Variants in LRIG2 observed in about 807,000 individuals in gnomAD.
LRIG2 encodes the protein leucine-rich repeats and immunoglobulin-like domains protein 2.
LRIG2 carries 93 observed loss-of-function variants against 107.8 expected under a neutral mutation model. That is an observed-to-expected ratio of 0.86 (90% confidence interval 0.73 to 1.03). LRIG2 has a LOEUF of 1.03. LRIG2 is among the 50% of genes least tolerant of loss of function. The probability of loss-of-function intolerance (pLI) is 0.00; values close to 1 mark genes in which losing one functional copy is unlikely to be tolerated. For missense variants in LRIG2, 1,226 were observed against 1,296.0 expected (o/e 0.95, Z 0.83); for synonymous variants, 471 against 470.6 (o/e 1.00, Z -0.01).
intron 1 of LRIG2, among the ~76,000 whole-genome samples, chr1:113,077,638 G>A (rs1420272836): frequency 6.6e-6 from 1 of 152,074 alleles, no homozygotes; most frequent in Non-Finnish European, 1.5e-5. Context: ...GAGGACATAA[G>A]CTTATGTTGA....
chr1:113,075,849 C>G (rs1398608839), intron 1 of LRIG2, among the ~76,000 whole-genome samples: 3 of 151,020 alleles, frequency 2.0e-5, no homozygotes, highest in Admixed American at 6.6e-5. Context: ...GCGTGCGCTA[C>G]CATGCCTGGC....
At chr1:113,091,946 AAGG>A (rs2101032544) in intron 2 of LRIG2, among the ~76,000 whole-genome samples, 1 of 152,324 alleles carries the variant, frequency 6.6e-6, no homozygotes, top group Admixed American at 6.5e-5. Context: ...CACAACCGTT[AAGG>A]TATATAGGCC....
intron 16 of LRIG2, among the ~76,000 whole-genome samples, chr1:113,118,925 A>G (rs1282755613): frequency 6.6e-6 from 1 of 152,086 alleles, no homozygotes; most frequent in Non-Finnish European, 1.5e-5. Context: ...CGGCCTCCCA[A>G]AGTGCTGGGA....
At chr1:113,085,163 A>T (rs1653491770) in intron 1 of LRIG2, among the ~76,000 whole-genome samples, 1 of 152,234 alleles carries the variant, frequency 6.6e-6, no homozygotes, top group Non-Finnish European at 1.5e-5. Context: ...GTAACAAATA[A>T]CTGGCAGAAT....
Position 113,096,326 on chromosome 1 carries a change from C to G in LRIG2, c.1052C>G (p.Ala351Gly), listed in dbSNP as rs1456278599. ...GGAGACAACAGAGTCACTCATATTGCTGATGGTGTATTTAGATTTCTTTCC... is the reference window on the plus strand; with the variant it reads ...GGAGACAACAGAGTCACTCATATTGGTGATGGTGTATTTAGATTTCTTTCC... Reference protein sequence around the residue: ...NLGDNRVTHIADGVFRFLSNL... With the variant: ...NLGDNRVTHIGDGVFRFLSNL... Residue 351 changes from alanine (A) to glycine (G), a missense_variant, in exon 8 of 18, where the codon GCT (alanine) becomes GGT (glycine). By Grantham distance (60) the Ala-to-Gly change is moderately conservative. Transcript: ENST00000361127. 1 of 1,614,070 alleles carries G rather than the reference C, an allele frequency of 6.2e-7. No homozygotes were observed. Among genetic ancestry groups the G allele is most frequent in the East Asian group, 2.2e-5 (1 of 44,880 alleles).
chr1:113,101,793 A>T (rs962568032), intron 11 of LRIG2, among the ~76,000 whole-genome samples: 2 of 152,230 alleles, frequency 1.3e-5, no homozygotes, highest in Non-Finnish European at 2.9e-5. Flanking sequence ...GGGTTATGTG[A>T]AGATAAAGTG....
intron 1 of LRIG2, among the ~76,000 whole-genome samples, chr1:113,078,814 A>G (rs1020629144): frequency 2.0e-5 from 3 of 151,294 alleles, no homozygotes; most frequent in African/African-American, 7.3e-5. Flanking sequence ...CTAATTTTGT[A>G]TTTTTAGTAG....
intron 10 of LRIG2, 25 bp from the exon 11 acceptor site, chr1:113,100,392 GATA>G (rs768901585): frequency 3.5e-6 from 5 of 1,445,530 alleles, no homozygotes; most frequent in Non-Finnish European, 3.9e-6. Context: ...AATGGTGACT[GATA>G]ATGTTTCATT....
At chr1:113,112,416 T>G in intron 13 of LRIG2, 63 bp from the exon 14 acceptor site, 1 of 1,447,072 alleles carries the variant, frequency 6.9e-7, no homozygotes, top group Non-Finnish European at 9.4e-7. Flanking sequence ...CATGCCTATT[T>G]GTATGCATAT....
At position 113,093,431 on chromosome 1, in the gene LRIG2, G is replaced by A; in HGVS notation, c.382G>A (p.Val128Ile). 10 of 1,613,870 alleles carry A rather than the reference G, an allele frequency of 6.2e-6. No homozygotes were observed. The highest frequency in any genetic ancestry group is 1.3e-5 in the African/African-American group (1 of 74,974). The change falls in exon 4 of 18, where the codon GTC (valine) becomes ATC (isoleucine). Residue 128 changes from valine to isoleucine, a missense_variant and splice_region_variant. Coordinates refer to ENST00000361127, the MANE Select transcript of LRIG2 (RefSeq NM_014813.3). ...PTSNITLLSLVHNIIPEINAQ... is the reference protein window; with the variant it reads ...PTSNITLLSLIHNIIPEINAQ... The stretch of plus-strand genomic sequence containing the variant: ...TTCATTATAATCTTTGTTTTACAGA[G>A]TCCATAATATAATCCCAGAAATAAA...
At chr1:113,123,537 G>A (rs1053673770) in intron 17 of LRIG2, among the ~76,000 whole-genome samples, 1 of 152,302 alleles carries the variant, frequency 6.6e-6, no homozygotes, top group East Asian at 1.9e-4. Context: ...TGACGCCATT[G>A]CACTCCAGCC....
At chr1:113,094,798 G>C in intron 6 of LRIG2, 43 bp downstream of exon 6, 1 of 1,585,346 alleles carries the variant, frequency 6.3e-7, no homozygotes. Flanking sequence ...AAAGTAGTCT[G>C]TTTGGGACTT....
intron 11 of LRIG2, among the ~76,000 whole-genome samples, chr1:113,104,719 A>G (rs1402658681): frequency 6.6e-6 from 1 of 152,090 alleles, no homozygotes; most frequent in Non-Finnish European, 1.5e-5. Context: ...ACCTCATCCA[A>G]TTTATGTTTT....
chr1:113,106,828 T>C (rs1393385718), intron 11 of LRIG2, among the ~76,000 whole-genome samples: 1 of 152,160 alleles, frequency 6.6e-6, no homozygotes, highest in Non-Finnish European at 1.5e-5. Context: ...TTTTTAGTGT[T>C]GATGAAATAA....
chr1:113,108,382 C>T (rs1654626974), intron 12 of LRIG2, among the ~76,000 whole-genome samples: 1 of 151,296 alleles, frequency 6.6e-6, no homozygotes, highest in South Asian at 2.1e-4. Context: ...TGCCACCATA[C>T]CTGGCTAATT....
chr1:113,106,651 C>T (rs1654552250), intron 11 of LRIG2, among the ~76,000 whole-genome samples: 1 of 151,978 alleles, frequency 6.6e-6, no homozygotes, highest in African/African-American at 2.4e-5. Flanking sequence ...ATTATAGGTG[C>T]CATCCACCAC....
intron 1 of LRIG2, among the ~76,000 whole-genome samples, chr1:113,075,810 C>G (rs540009574): frequency 2.0e-5 from 3 of 151,384 alleles, no homozygotes; most frequent in Non-Finnish European, 4.4e-5. Context: ...ATTCTCCTGC[C>G]TCAGCCTCCC....
At chr1:113,083,982 C>A (rs906001540) in intron 1 of LRIG2, among the ~76,000 whole-genome samples, 3 of 141,632 alleles carry the variant, frequency 2.1e-5, no homozygotes, top group Non-Finnish European at 4.6e-5. Context: ...TGCACATGTA[C>A]CCTAGAACTT....
intron 12 of LRIG2, among the ~76,000 whole-genome samples, chr1:113,108,550 C>A (rs926068739): frequency 1.3e-5 from 2 of 150,536 alleles, no homozygotes; most frequent in Non-Finnish European, 3.0e-5. Flanking sequence ...CTATATTATT[C>A]TTTCTCAATT....
Sources: gnomAD v4.1 joint callset for allele counts (sites outside exome capture counted in the v4.1 genomes callset) on GRCh38, gnomAD v4.1.1 for gene constraint, MANE v1.5 for transcripts, NCBI Gene and HGNC (gene_info 2026-07-23, HGNC 2026-07-21) for gene names.